FAT3: variants seen among roughly 807,000 people sequenced by gnomAD.
FAT3 encodes FAT atypical cadherin 3, also known as protocadherin Fat 3.
Under a neutral mutation model 310.2 loss-of-function variants are expected in FAT3, and 95 were observed. The observed-to-expected ratio is 0.31, with a 90% CI of 0.26 to 0.36. The LOEUF (loss-of-function observed/expected upper bound fraction) is 0.36, where lower values mean the gene tolerates loss of function less well. FAT3 is among the 10% of genes least tolerant of loss of function. The pLI, the probability that FAT3 is intolerant of heterozygous loss-of-function variation, is 1.00. For missense variants in FAT3, 5,408 were observed against 5,715.6 expected (o/e 0.95, Z 1.74); for synonymous variants, 2,314 against 2,192.9 (o/e 1.06, Z -1.54).
At chr11:92,886,457 CAG>C (rs758663853) in intron 24 of FAT3, among the ~76,000 whole-genome samples, 19 of 152,158 alleles carry the variant, frequency 1.2e-4, no homozygotes, top group Admixed American at 2.6e-4. Flanking sequence ...CTACCTGACA[CAG>C]GGTGCAGAAC....
At chr11:92,328,539 T>C (rs1297258524) in intron 1 of FAT3, among the ~76,000 whole-genome samples, 1 of 152,226 alleles carries the variant, frequency 6.6e-6, no homozygotes, top group African/African-American at 2.4e-5. Context: ...AATCAGAAAT[T>C]GTTCAGGGTT....
At chr11:92,632,255 C>G (rs76500695) in intron 3 of FAT3, among the ~76,000 whole-genome samples, 1 of 152,164 alleles carries the variant, frequency 6.6e-6, no homozygotes, top group Non-Finnish European at 1.5e-5. Flanking sequence ...GGACTAGGCA[C>G]AGTATGGATA....
At chr11:92,298,723 A>G (rs552665871) in intron 1 of FAT3, among the ~76,000 whole-genome samples, 1 of 152,198 alleles carries the variant, frequency 6.6e-6, no homozygotes, top group Non-Finnish European at 1.5e-5. Flanking sequence ...AGGCCAGGCA[A>G]CCTGTTCAGC....
chr11:92,589,771 C>T (rs1939336150), intron 3 of FAT3, among the ~76,000 whole-genome samples: 1 of 151,982 alleles, frequency 6.6e-6, no homozygotes, highest in African/African-American at 2.4e-5. Context: ...ATAACTGAAG[C>T]CTAATTGAGG....
At chr11:92,397,637 C>T (rs560200478) in intron 2 of FAT3, among the ~76,000 whole-genome samples, 1 of 152,242 alleles carries the variant, frequency 6.6e-6, no homozygotes, top group East Asian at 1.9e-4. Flanking sequence ...ACCAGATCAC[C>T]AGCTACTCCG....
At chr11:92,347,688 G>C (rs561265238) in intron 1 of FAT3, among the ~76,000 whole-genome samples, 1 of 152,252 alleles carries the variant, frequency 6.6e-6, no homozygotes, top group Non-Finnish European at 1.5e-5. Flanking sequence ...CATCCTAACA[G>C]AGCAGAAGGG....
intron 1 of FAT3, among the ~76,000 whole-genome samples, chr11:92,306,621 A>C (rs1947132110): frequency 8.0e-6 from 1 of 124,486 alleles, no homozygotes; most frequent in African/African-American, 3.1e-5. Flanking sequence ...TTATATATTT[A>C]TATTATATTT....
intron 1 of FAT3, among the ~76,000 whole-genome samples, chr11:92,262,039 T>C (rs1865580316): frequency 6.6e-6 from 1 of 152,046 alleles, no homozygotes; most frequent in African/African-American, 2.4e-5. Context: ...GACTCTAGCA[T>C]TGTTCCCATG....
At chr11:92,671,200 A>G (rs1004766323) in intron 3 of FAT3, among the ~76,000 whole-genome samples, 6 of 152,170 alleles carry the variant, frequency 3.9e-5, no homozygotes, top group Admixed American at 3.9e-4. Flanking sequence ...ATGCACCACC[A>G]TGCCCAGCTA....
chr11:92,305,381 C>G (rs1218220177), intron 1 of FAT3, among the ~76,000 whole-genome samples: 1 of 151,988 alleles, frequency 6.6e-6, no homozygotes, highest in South Asian at 2.1e-4. Context: ...GGAAAAGCAC[C>G]ATTTGGTAAA....
intron 3 of FAT3, among the ~76,000 whole-genome samples, chr11:92,584,992 A>G (rs1939055617): frequency 6.6e-6 from 1 of 152,020 alleles, no homozygotes; most frequent in Admixed American, 6.6e-5. Flanking sequence ...CTTTGTATTT[A>G]TGTAGAAGCT....
intron 1 of FAT3, among the ~76,000 whole-genome samples, chr11:92,303,554 T>A (rs1210410455): frequency 2.6e-5 from 4 of 152,122 alleles, no homozygotes; most frequent in African/African-American, 9.7e-5. Flanking sequence ...TCCTGCACTT[T>A]CAACCAAGTG....
chr11:92,492,103 C>T (rs897289608), intron 2 of FAT3, among the ~76,000 whole-genome samples: 6 of 152,060 alleles, frequency 3.9e-5, no homozygotes, highest in African/African-American at 1.4e-4. Flanking sequence ...TTTGCTAGAC[C>T]TAGGTGATTC....
At chr11:92,733,708 C>T (rs1257551343) in intron 4 of FAT3, among the ~76,000 whole-genome samples, 6 of 151,834 alleles carry the variant, frequency 4.0e-5, no homozygotes, top group South Asian at 4.2e-4. Context: ...GAGTTTGGCA[C>T]GTTATGTTTT....
In FAT3 at chr11:92,354,959, C is replaced by G. The variant is rs1948690838; in HGVS notation, c.2847C>G (p.Leu949=). The part of the protein sequence containing the change: ...SSYSVKVLED[L]PVGTVIAWLE... ...ATAGTGTGAAGGTTCTTGAAGATCT[C>G]CCTGTTGGCACTGTCATTGCTTGGC... Residue 949 remains leucine (L), a synonymous_variant, in exon 2 of 28, where the codon CTC becomes CTG. Transcript: ENST00000525166. The G allele has an allele frequency of 3.7e-6, 6 of 1,613,798 alleles. No individual in the cohort carries two copies. The highest frequency in any genetic ancestry group is 5.1e-6 in the Non-Finnish European group (6 of 1,179,846).
intron 4 of FAT3, among the ~76,000 whole-genome samples, chr11:92,748,321 G>A (rs1945733970): frequency 6.6e-6 from 1 of 152,100 alleles, no homozygotes; most frequent in South Asian, 2.1e-4. Flanking sequence ...CCACCCCCAT[G>A]ATTCAGTTAC....
chr11:92,740,764 A>C (rs1032418443), intron 4 of FAT3, among the ~76,000 whole-genome samples: 2 of 152,202 alleles, frequency 1.3e-5, no homozygotes, highest in African/African-American at 4.8e-5. Flanking sequence ...AATGAAAGAG[A>C]TATTAGAACA....
intron 2 of FAT3, among the ~76,000 whole-genome samples, chr11:92,450,102 C>T (rs560417863): frequency 3.3e-5 from 5 of 152,214 alleles, no homozygotes; most frequent in Non-Finnish European, 5.9e-5. Flanking sequence ...CTGCACCAAT[C>T]GGCTTTGACA....
chr11:92,623,365 T>C (rs1591532924), intron 3 of FAT3, among the ~76,000 whole-genome samples: 2 of 152,190 alleles, frequency 1.3e-5, no homozygotes, highest in African/African-American at 4.8e-5. Context: ...AATATCTTAA[T>C]GTTCAACACA....
Sources: allele counts gnomAD v4.1 joint callset (sites outside exome capture counted in the v4.1 genomes callset), GRCh38; gene constraint gnomAD v4.1.1; transcripts MANE v1.5; gene names NCBI Gene and HGNC (gene_info 2026-07-23, HGNC 2026-07-21).